Variants in VEPH1 observed in about 807,000 individuals in gnomAD.
VEPH1 encodes the protein ventricular zone expressed PH domain containing 1, also known as ventricular zone-expressed PH domain-containing protein homolog 1.
In VEPH1, 80 loss-of-function variants were observed where a neutral mutation model predicts 85.2. The ratio of observed to expected loss-of-function variants is 0.94; its 90% CI spans 0.78 to 1.13. VEPH1 has a LOEUF of 1.13. Ranked by LOEUF, VEPH1 falls within the 50% of genes most tolerant of loss-of-function variation. The probability of loss-of-function intolerance (pLI) is 0.00; values close to 1 mark genes in which losing one functional copy is unlikely to be tolerated. For synonymous variants in VEPH1, 297 were observed against 348.0 expected, an observed-to-expected ratio of 0.85 and a Z score of 1.63; for missense variants, 955 against 980.5, an observed-to-expected ratio of 0.97 and a Z score of 0.35.
rs75927994 is a variant in VEPH1 at position 157,369,946 on chromosome 3, C to T, written c.1128-5434G>A. Among the ~76,000 whole-genome samples the T allele has an allele frequency of 2.1e-3, 322 of 152,232 alleles. 2 individuals are homozygous for T. In the East Asian group the frequency reaches 0.047, roughly 22 times the overall value. Reference sequence around the variant, plus strand: ...TGGGGGCAGGGGCCAGTGGATTGGGCTCACTTAGGGGGTTGTTATTTCTTT... The same window carrying T: ...TGGGGGCAGGGGCCAGTGGATTGGGTTCACTTAGGGGGTTGTTATTTCTTT... On this transcript the variant is annotated intron_variant, in intron 7 of 13. Transcript: ENST00000362010.
At chr3:157,305,036 A>ATATC (rs10530716) in intron 11 of VEPH1, among the ~76,000 whole-genome samples, 5,884 of 139,488 alleles carry the variant, frequency 0.042, 336 homozygotes, top group East Asian at 0.2. Context: ...GTGTATTGTT[A>ATATC]TATCTATCTA....
At chr3:157,363,888 TA>T in intron 8 of VEPH1, 127 bp from the exon 9 acceptor site, 1 of 1,058,482 alleles carries the variant, frequency 9.4e-7, no homozygotes, top group East Asian at 2.6e-5. Flanking sequence ...ACAGGCCTGA[TA>T]AATGTATACC....
chr3:157,457,352 C>T (rs1219626386), intron 4 of VEPH1, among the ~76,000 whole-genome samples: 2 of 152,126 alleles, frequency 1.3e-5, no homozygotes, highest in East Asian at 3.8e-4. Flanking sequence ...TTCCTCTCTT[C>T]CTATTTGGAT....
chr3:157,416,756 A>G, intron 5 of VEPH1, among the ~76,000 whole-genome samples: 1 of 152,114 alleles, frequency 6.6e-6, no homozygotes, highest in East Asian at 1.9e-4. Context: ...ACAATTAAAA[A>G]GGAAAGAAAA....
Position 157,261,465 on chromosome 3 carries a change from T to C in VEPH1, c.2266-95A>G. 5 of 1,531,584 alleles carry C rather than the reference T, an allele frequency of 3.3e-6. No homozygotes were observed. The East Asian group carries it at 1.1e-4, about 35-fold the overall frequency. The allele number at this position is 1,531,584 out of a possible 1,614,324, so 94.9% of individuals were successfully genotyped here. A position where few individuals can be genotyped will look rare whatever the true frequency, so the allele number is the denominator to read the frequency against. ...AACTTTCTAAGAGGGCCAGAATCCTTTCACTTTTTATGTCTCAAGACCTTT... is the reference window on the plus strand; with the variant it reads ...AACTTTCTAAGAGGGCCAGAATCCTCTCACTTTTTATGTCTCAAGACCTTT... On this transcript the variant is annotated intron_variant, in intron 13 of 13. Coordinates refer to ENST00000362010, the MANE Select transcript of VEPH1 (RefSeq NM_001167912.2).
At chr3:157,306,980 T>C (rs534328403) in intron 11 of VEPH1, among the ~76,000 whole-genome samples, 9 of 152,174 alleles carry the variant, frequency 5.9e-5, no homozygotes, top group Non-Finnish European at 1.3e-4. Flanking sequence ...TCACTTAGAA[T>C]AATGGCCTCC....
intron 11 of VEPH1, among the ~76,000 whole-genome samples, chr3:157,309,262 G>A (rs968723246): frequency 1.3e-5 from 2 of 152,052 alleles, no homozygotes; most frequent in Admixed American, 6.6e-5. Context: ...GGATATTCTG[G>A]TTTTATTTCA....
At chr3:157,499,637 C>T (rs1412962815) in intron 1 of VEPH1, 1 of 152,190 alleles carries the variant, frequency 6.6e-6, no homozygotes, top group Non-Finnish European at 1.5e-5. Context: ...GAGTTACCTC[C>T]CAGTGCAACG....
chr3:157,458,980 A>G (rs1446772004), intron 4 of VEPH1, among the ~76,000 whole-genome samples: 2 of 152,018 alleles, frequency 1.3e-5, no homozygotes, highest in Non-Finnish European at 2.9e-5. Context: ...CTACTGAAAA[A>G]CCATCTATGT....
intron 4 of VEPH1, among the ~76,000 whole-genome samples, chr3:157,446,842 A>T (rs1474489476): frequency 1.3e-5 from 2 of 152,200 alleles, no homozygotes; most frequent in Non-Finnish European, 2.9e-5. Context: ...TGGGGTCAGA[A>T]ATCCAGTATT....
At chr3:157,433,196 C>T (rs1733298048) in intron 4 of VEPH1, among the ~76,000 whole-genome samples, 1 of 152,076 alleles carries the variant, frequency 6.6e-6, no homozygotes, top group Admixed American at 6.6e-5. Context: ...CATCCTAATC[C>T]TTATGTTTCT....
At chr3:157,473,214 A>G (rs930229641) in intron 2 of VEPH1, among the ~76,000 whole-genome samples, 1 of 151,586 alleles carries the variant, frequency 6.6e-6, no homozygotes, top group Non-Finnish European at 1.5e-5. Context: ...CTGGGACTAT[A>G]GGAGCATGCC....
chr3:157,482,263 G>A (rs1902347), intron 2 of VEPH1, among the ~76,000 whole-genome samples: 36,179 of 151,958 alleles, frequency 0.24, 4,543 homozygotes, highest in South Asian at 0.35. Context: ...TCACTCTGTC[G>A]CCCAGGCTGG....
At chr3:157,484,585 A>C (rs963108891) in intron 2 of VEPH1, among the ~76,000 whole-genome samples, 4 of 152,234 alleles carry the variant, frequency 2.6e-5, no homozygotes, top group African/African-American at 9.6e-5. Flanking sequence ...AGCATTGACT[A>C]TACATTTTTT....
intron 11 of VEPH1, among the ~76,000 whole-genome samples, chr3:157,300,451 A>G (rs1577280096): frequency 6.6e-6 from 1 of 152,218 alleles, no homozygotes; most frequent in East Asian, 1.9e-4. Context: ...CTTGTGAAAT[A>G]TGAAAGAAAT....
chr3:157,316,936 T>C lies in VEPH1; in HGVS notation c.1875+126A>G, dbSNP rs1720814022. 2.7e-5 allele frequency: 25 copies of C among 934,170 alleles called. 1 individual carries two copies. In the South Asian group the frequency reaches 6.9e-4, roughly 26 times the overall value. The allele number at this position is 934,170 out of a possible 1,614,324, so 57.9% of individuals were successfully genotyped here. On this transcript the variant is annotated intron_variant, in intron 10 of 13. Coordinates refer to ENST00000362010, the MANE Select transcript of VEPH1 (RefSeq NM_001167912.2). ...AAAAAACCGAGGTTAAAGTTATTAA[T>C]GAAATATGTATGTATTGCTGTTATC...
chr3:157,314,330 CAAAAAAAAAAAAAA>C (rs34703314), intron 10 of VEPH1, among the ~76,000 whole-genome samples: 6 of 43,202 alleles, frequency 1.4e-4, no homozygotes, highest in East Asian at 6.4e-4. Flanking sequence ...GAGGATCCGT[CAAAAAAAAAAAAAA>C]AAAAAAAAAA....
Position 157,464,453 on chromosome 3 carries a change from T to C in VEPH1, c.355-4098A>G, listed in dbSNP as rs756976439. ...AACAAATGACTTTAACAGCAGCTGA[T>C]AATGCCAGAGCCTATGAAAGACCTT... On this transcript the variant is annotated intron_variant, in intron 3 of 13. Coordinates refer to ENST00000362010, the MANE Select transcript of VEPH1 (RefSeq NM_001167912.2). 4.0e-4 allele frequency among the ~76,000 whole-genome samples: 61 copies of C among 152,232 alleles called. 1 individual carries two copies. Among genetic ancestry groups the C allele is most frequent in the Non-Finnish European group, 7.6e-4 (52 of 68,026 alleles).
At chr3:157,396,110 G>T (rs916711111) in intron 6 of VEPH1, among the ~76,000 whole-genome samples, 1 of 152,110 alleles carries the variant, frequency 6.6e-6, no homozygotes, top group East Asian at 1.9e-4. Flanking sequence ...GCAGGCCCCA[G>T]TGTGTGTTGT....
Sources: allele counts gnomAD v4.1 joint callset (sites outside exome capture counted in the v4.1 genomes callset), GRCh38; gene constraint gnomAD v4.1.1; transcripts MANE v1.5; gene names NCBI Gene and HGNC (gene_info 2026-07-23, HGNC 2026-07-21).